The following CNTN4 variants were observed in gnomAD, a reference collection of about 807,000 sequenced individuals.
The protein encoded by CNTN4 is contactin-4.
Under a neutral mutation model 122.5 loss-of-function variants are expected in CNTN4, and 77 were observed. The observed-to-expected ratio is 0.63, with a 90% CI of 0.52 to 0.76. CNTN4 has a LOEUF of 0.76. Among genes scored for constraint, CNTN4 ranks in the 30% least tolerant of loss-of-function variants. The pLI is 0.00. For synonymous variants in CNTN4, 512 were observed against 447.0 expected, an observed-to-expected ratio of 1.15 and a Z score of -1.83; for missense variants, 1,256 against 1,259.1, an observed-to-expected ratio of 1.00 and a Z score of 0.04.
At chr3:2,247,810 A>T (rs1043225139) in intron 2 of CNTN4, among the ~76,000 whole-genome samples, 9 of 152,006 alleles carry the variant, frequency 5.9e-5, no homozygotes, top group Non-Finnish European at 1.5e-5. Context: ...CTTAGAAGTT[A>T]TGATAATAAT....
intron 2 of CNTN4, among the ~76,000 whole-genome samples, chr3:2,327,776 C>T (rs560685935): frequency 6.6e-6 from 1 of 152,178 alleles, no homozygotes; most frequent in South Asian, 2.1e-4. Context: ...GGAACCTCCC[C>T]TATTCTGGAG....
At chr3:2,150,276 T>C (rs1218614815) in intron 2 of CNTN4, among the ~76,000 whole-genome samples, 2 of 152,216 alleles carry the variant, frequency 1.3e-5, no homozygotes, top group Non-Finnish European at 2.9e-5. Context: ...ATAAAGCATC[T>C]ATAACAGTGT....
chr3:2,540,047 G>C (rs1439472368), intron 3 of CNTN4, among the ~76,000 whole-genome samples: 2 of 150,742 alleles, frequency 1.3e-5, no homozygotes, highest in Admixed American at 1.3e-4. Flanking sequence ...AAGATAATAT[G>C]CCATAATCTG....
At chr3:3,044,018 C>T (rs927254078) in intron 23 of CNTN4, among the ~76,000 whole-genome samples, 1 of 152,170 alleles carries the variant, frequency 6.6e-6, no homozygotes, top group African/African-American at 2.4e-5. Context: ...CTTCGTTTTG[C>T]TCCTGTCTCG....
At chr3:2,164,774 A>T (rs1559301946) in intron 2 of CNTN4, among the ~76,000 whole-genome samples, 1 of 152,154 alleles carries the variant, frequency 6.6e-6, no homozygotes, top group East Asian at 1.9e-4. Context: ...CTCTCACCAG[A>T]CACAGTTTGC....
At chr3:2,790,887 C>T (rs2091987155) in intron 6 of CNTN4, among the ~76,000 whole-genome samples, 1 of 152,156 alleles carries the variant, frequency 6.6e-6, no homozygotes, top group African/African-American at 2.4e-5. Flanking sequence ...CTGCCATCAC[C>T]ATTTTGCAGA....
chr3:2,672,589 C>T (rs1028641033), intron 4 of CNTN4, among the ~76,000 whole-genome samples: 1 of 152,190 alleles, frequency 6.6e-6, no homozygotes, highest in African/African-American at 2.4e-5. Flanking sequence ...CGCCCTGCTT[C>T]GGCTCACACT....
At chr3:2,916,516 G>C (rs1326438203) in intron 12 of CNTN4, among the ~76,000 whole-genome samples, 2 of 146,624 alleles carry the variant, frequency 1.4e-5, no homozygotes, top group Non-Finnish European at 3.0e-5. Flanking sequence ...CACGGGGTTG[G>C]GGGTAAGGCC....
chr3:2,686,062 G>T (rs748656444), intron 4 of CNTN4, among the ~76,000 whole-genome samples: 37 of 152,166 alleles, frequency 2.4e-4, no homozygotes, highest in Non-Finnish European at 3.4e-4. Context: ...AATACATCCT[G>T]TACAGAAAAC....
chr3:2,436,206 C>CAA (rs2048252248), intron 3 of CNTN4, among the ~76,000 whole-genome samples: 1 of 152,018 alleles, frequency 6.6e-6, no homozygotes, highest in Non-Finnish European at 1.5e-5. Context: ...ATGAGCCAGG[C>CAA]AAAAATGTGG....
At chr3:2,852,980 T>A (rs367720263) in intron 7 of CNTN4, among the ~76,000 whole-genome samples, 8 of 152,154 alleles carry the variant, frequency 5.3e-5, no homozygotes, top group East Asian at 1.9e-4. Context: ...AGAACCAGTT[T>A]TTACGCAGAA....
At chr3:2,334,131 C>T (rs1283658119) in intron 2 of CNTN4, among the ~76,000 whole-genome samples, 1 of 152,124 alleles carries the variant, frequency 6.6e-6, no homozygotes, top group Non-Finnish European at 1.5e-5. Context: ...TGAATACCTG[C>T]TATAGACTGG....
chr3:2,899,866 AAAC>A (rs1456234310), intron 10 of CNTN4, among the ~76,000 whole-genome samples: 1 of 152,218 alleles, frequency 6.6e-6, no homozygotes, highest in Non-Finnish European at 1.5e-5. Flanking sequence ...AATCAATAAT[AAAC>A]AATGATGATA....
chr3:2,484,566 G>C (rs2076092330), intron 3 of CNTN4, among the ~76,000 whole-genome samples: 1 of 152,160 alleles, frequency 6.6e-6, no homozygotes, highest in Non-Finnish European at 1.5e-5. Flanking sequence ...TTGTAAACCA[G>C]GGTGACTTCA....
chr3:2,678,629 A>G (rs183997827), intron 4 of CNTN4, among the ~76,000 whole-genome samples: 9 of 152,264 alleles, frequency 5.9e-5, no homozygotes. Context: ...TTTATTTCCT[A>G]TGCTGTATCT....
rs771288949 is a variant in CNTN4, at chr3:3,026,123, C to A, written c.1508C>A (p.Pro503His). The A allele has an allele frequency of 1.2e-6, 2 of 1,613,158 alleles. No individual in the cohort carries two copies. Among genetic ancestry groups the A allele is most frequent in the Admixed American group, 1.7e-5 (1 of 59,914 alleles). The change falls in exon 15 of 25, where the codon CCC becomes CAC. Residue 503 changes from proline (P) to histidine (H), a missense_variant. Coordinates refer to ENST00000418658, the MANE Select transcript of CNTN4 (RefSeq NM_175607.3). ...VVKDPTRVMV[P>H]PSSMDVTVGE... ...CCAGATCCAACAAGGGTAATGGTAC[C>A]CCCTTCCAGTATGGATGTCACTGTT... is the stretch of plus-strand genomic sequence containing the variant.
At chr3:2,625,727 C>T (rs1439497870) in intron 4 of CNTN4, among the ~76,000 whole-genome samples, 2 of 152,092 alleles carry the variant, frequency 1.3e-5, no homozygotes, top group South Asian at 4.2e-4. Context: ...ATTTGCTATC[C>T]ACTTACTATT....
intron 3 of CNTN4, among the ~76,000 whole-genome samples, chr3:2,563,121 T>TTTCCACAG (rs149057205): frequency 0.025 from 3,750 of 152,272 alleles, 166 homozygotes; most frequent in African/African-American, 0.085. Context: ...TCCAAACTGC[T>TTTCCACAG]TTCCACAGTG....
chr3:3,030,337 G>C (rs1042255300), intron 15 of CNTN4, among the ~76,000 whole-genome samples: 1 of 152,198 alleles, frequency 6.6e-6, no homozygotes, highest in African/African-American at 2.4e-5. Context: ...GGTGATGCGA[G>C]ATTTCCTTGG....
Sources: allele counts gnomAD v4.1 joint callset (sites outside exome capture counted in the v4.1 genomes callset), GRCh38; gene constraint gnomAD v4.1.1; transcripts MANE v1.5; gene names NCBI Gene and HGNC (gene_info 2026-07-23, HGNC 2026-07-21).